VSIG10L2: variants seen among roughly 807,000 people sequenced by gnomAD.
The protein encoded by VSIG10L2 is V-set and immunoglobulin domain containing 10 like 2.
Under a neutral mutation model 67.1 loss-of-function variants are expected in VSIG10L2, and 56 were observed. The ratio of observed to expected loss-of-function variants is 0.83; its 90% CI spans 0.67 to 1.04. The LOEUF (loss-of-function observed/expected upper bound fraction) is 1.04. Among genes scored for constraint, VSIG10L2 ranks in the 50% least tolerant of loss-of-function variants. The pLI, the probability that VSIG10L2 is intolerant of heterozygous loss-of-function variation, is 0.00. For missense variants in VSIG10L2, 843 were observed against 932.8 expected (o/e 0.90, Z 1.25); for synonymous variants, 360 against 396.6 (o/e 0.91, Z 1.10).
chr11:125,955,826 C>G lies in VSIG10L2; in HGVS notation c.2294C>G (p.Thr765Arg). The change falls in exon 12 of 12, where the codon ACA (threonine) becomes AGA (arginine). Residue 765 changes from threonine to arginine, a missense_variant. Transcript: ENST00000686984. ...EDAEAPAGLETPTTTPGLDPA... is the reference protein window; with the variant it reads ...EDAEAPAGLERPTTTPGLDPA... ...CATATGCTCTTCATAGGCCTTGAAA[C>G]ACCAACCACCACCCCAGGTTTGGAT... 1 of 722,034 alleles carries G rather than the reference C, an allele frequency of 1.4e-6. No homozygotes were observed. The highest frequency in any genetic ancestry group is 2.5e-6 in the Non-Finnish European group (1 of 405,482). 44.7% of individuals were successfully genotyped at this position (722,034 alleles called of 1,614,324 possible). A position where few individuals can be genotyped will look rare whatever the true frequency, so the allele number is the denominator to read the frequency against.
At position 125,950,056 on chromosome 11, in the gene VSIG10L2, T is replaced by A. The variant is rs1022065253; in HGVS notation, c.752T>A (p.Leu251His). The change falls in exon 4 of 12, where the codon CTC (leucine) becomes CAC (histidine). Residue 251 changes from leucine (L) to histidine (H), a missense_variant. By Grantham distance (99) the Leu-to-His change is moderately conservative (BLOSUM62 -3). Coordinates refer to ENST00000686984, the MANE Select transcript of VSIG10L2 (RefSeq NM_001365077.2). ...KPVITMEPLG[L>H]TEEGFWASER... ...GTGATCACCATGGAGCCGCTGGGACTCACTGAGGAGGGCTTCTGGGCCAGT... is the reference window on the plus strand; with the variant it reads ...GTGATCACCATGGAGCCGCTGGGACACACTGAGGAGGGCTTCTGGGCCAGT... The A allele has an allele frequency of 1.6e-6, 2 of 1,232,316 alleles. No homozygotes were observed. The highest frequency in any genetic ancestry group is 3.1e-5 in the African/African-American group (2 of 64,436). The allele number at this position is 1,232,316 out of a possible 1,614,324, so 76.3% of individuals were successfully genotyped here. A position where few individuals can be genotyped will look rare whatever the true frequency, so the allele number is the denominator to read the frequency against.
rs1031501508 is a variant in VSIG10L2, at chr11:125,949,935, G to A, written c.710-79G>A. 5.8e-6 allele frequency: 7 copies of A among 1,208,024 alleles called. No individual in the cohort carries two copies. The South Asian group carries it at 2.6e-4, about 45-fold the overall frequency. The allele number at this position is 1,208,024 out of a possible 1,614,324, so 74.8% of individuals were successfully genotyped here. On this transcript the variant is annotated intron_variant, in intron 3 of 11. Coordinates refer to ENST00000686984, the MANE Select transcript of VSIG10L2 (RefSeq NM_001365077.2). ...CATACTACATGCCCCTAGGATGGAT[G>A]CATACATTCAGAGATGAGCATGTGC...
chr11:125,953,563 C>T lies in VSIG10L2; in HGVS notation c.1659C>T (p.His553=). The change falls in exon 7 of 12, where the codon CAC becomes CAT. Residue 553 remains histidine, a synonymous_variant. Transcript: ENST00000686984. ...CCGGCACTTCAGGATTCATGCTGCA[C>T]CCTGAGGGTGCCCAGCTGCGCCTGG... ...VDPGTSGFML[H]PEGAQLRLGI... 1 of 1,232,222 alleles carries T rather than the reference C, an allele frequency of 8.1e-7. No homozygotes were observed. Among genetic ancestry groups the T allele is most frequent in the Non-Finnish European group, 1.0e-6 (1 of 988,006 alleles). The allele number at this position is 1,232,222 out of a possible 1,614,324, so 76.3% of individuals were successfully genotyped here.
rs1234080109 is a variant in VSIG10L2, at chr11:125,948,346, CCT to C, written c.476_477del (p.Pro159ArgfsTer40). On this transcript the variant is annotated frameshift_variant, in exon 3 of 12. Coordinates refer to ENST00000686984, the MANE Select transcript of VSIG10L2 (RefSeq NM_001365077.2). LOFTEE classifies it high-confidence loss of function. ...TCAAGTGCGACTGAGTAACCCGTCCCCTGTGGAGGGAGCCTCCGTGGTGGCCA... is the reference window on the plus strand; with the variant it reads ...TCAAGTGCGACTGAGTAACCCGTCCCGTGGAGGGAGCCTCCGTGGTGGCCA... ...KPQVRLSNPS[P>X]VEGASVVATC... The C allele has an allele frequency of 2.4e-6, 3 of 1,232,372 alleles. No individual in the cohort carries two copies. Among genetic ancestry groups the C allele is most frequent in the African/African-American group, 3.1e-5 (2 of 64,426 alleles). 76.3% of individuals were successfully genotyped at this position (1,232,372 alleles called of 1,614,324 possible).
At chr11:125,955,778 A>AG in intron 11 of VSIG10L2, 39 bp from the exon 12 acceptor site, 1 of 943,262 alleles carries the variant, frequency 1.1e-6, no homozygotes, top group Non-Finnish European at 1.6e-6. Flanking sequence ...ACACTCCCAA[A>AG]GCATCCCTCT....
At chr11:125,950,491 AGGGGAAGGGAG>A (rs1312079504) in intron 4 of VSIG10L2, among the ~76,000 whole-genome samples, 1 of 151,834 alleles carries the variant, frequency 6.6e-6, no homozygotes, top group East Asian at 1.9e-4. Flanking sequence ...GGGAAGGGGA[AGGGGAAGGGAG>A]GGGGAAGCTA....
At position 125,950,983 on chromosome 11, in the gene VSIG10L2, T is replaced by A. The variant is rs1945360081; in HGVS notation, c.1059T>A (p.Pro353=). 5.7e-6 allele frequency: 7 copies of A among 1,232,420 alleles called. No homozygotes were observed. Among genetic ancestry groups the A allele is most frequent in the Non-Finnish European group, 7.1e-6 (7 of 988,210 alleles). 76.3% of individuals were successfully genotyped at this position (1,232,420 alleles called of 1,614,324 possible). Residue 353 remains proline, a synonymous_variant, in exon 5 of 12, where the codon CCT becomes CCA. Coordinates refer to ENST00000686984, the MANE Select transcript of VSIG10L2 (RefSeq NM_001365077.2). ...CTGTGACCCTGCTCTGTGCCTGGCC[T>A]GGGGGGCTTCCGCCTGCCCAACTGC... The part of the protein sequence containing the change: ...PEAVTLLCAW[P]GGLPPAQLQW...
chr11:125,950,395 G>A lies in VSIG10L2; in HGVS notation c.985+106G>A, dbSNP rs1945352157. On this transcript the variant is annotated intron_variant, in intron 4 of 11. Coordinates refer to ENST00000686984, the MANE Select transcript of VSIG10L2 (RefSeq NM_001365077.2). ...AGACCCCGCCGTCCCGTGGAGAGGC[G>A]TGTGCCAAAGCTGCTCTTGTTGGAG... 1.7e-5 allele frequency: 20 copies of A among 1,145,444 alleles called. No individual in the cohort carries two copies. In the South Asian group the frequency reaches 5.5e-4, roughly 31 times the overall value. The allele number at this position is 1,145,444 out of a possible 1,614,324, so 71.0% of individuals were successfully genotyped here.
At chr11:125,952,174 A>C (rs1945387147) in intron 6 of VSIG10L2, 101 bp downstream of exon 6, 1 of 1,412,876 alleles carries the variant, frequency 7.1e-7, no homozygotes, top group Non-Finnish European at 9.3e-7. Flanking sequence ...GCTGGCATGG[A>C]AAGTGAGTCA....
chr11:125,951,288 C>CA, intron 5 of VSIG10L2, 130 bp downstream of exon 5: 2 of 873,750 alleles, frequency 2.3e-6, no homozygotes, highest in Non-Finnish European at 3.0e-6. Context: ...CGCCATGTAA[C>CA]AAGGAGGTGG....
chr11:125,950,814 T>C (rs995726417), intron 4 of VSIG10L2, 96 bp from the exon 5 acceptor site: 24 of 1,165,030 alleles, frequency 2.1e-5, no homozygotes, highest in Non-Finnish European at 3.2e-6. Context: ...CCCTACCCAC[T>C]GACACCCCTG....
At chr11:125,954,484 C>A (rs900952542) in intron 8 of VSIG10L2, 101 bp downstream of exon 8, 2 of 1,026,326 alleles carry the variant, frequency 1.9e-6, no homozygotes, top group East Asian at 3.2e-5. Flanking sequence ...TTCCTTTGCT[C>A]GCATCCTACT....
chr11:125,953,774 C>T, intron 7 of VSIG10L2, 84 bp downstream of exon 7: 1 of 1,199,250 alleles, frequency 8.3e-7, no homozygotes, highest in Non-Finnish European at 1.0e-6. Flanking sequence ...TGGAAAGGCA[C>T]AAGGATTCCC....
At chr11:125,953,831 T>C (rs1400962835) in intron 7 of VSIG10L2, 141 bp downstream of exon 7, 1 of 828,732 alleles carries the variant, frequency 1.2e-6, no homozygotes, top group African/African-American at 1.8e-5. Flanking sequence ...TAGGCAGGAC[T>C]CAAGAGATAG....
Position 125,948,554 on chromosome 11 carries a change from G to C in VSIG10L2, c.683G>C (p.Ser228Thr). The change falls in exon 3 of 12, where the codon AGT becomes ACT. Residue 228 changes from serine (S) to threonine (T), a missense_variant. Physicochemically the swap from Ser to Thr is moderately conservative, Grantham distance 58 (BLOSUM62 1). Coordinates refer to ENST00000686984, the MANE Select transcript of VSIG10L2 (RefSeq NM_001365077.2). ...SASNSVNRLS[S>T]DGAFLDVIYG... ...AGCAACTCCGTGAACAGGCTGAGCA[G>C]TGACGGGGCCTTCCTGGACGTCATT... 8.1e-7 allele frequency: 1 copy of C among 1,232,292 alleles called. No homozygotes were observed. The highest frequency in any genetic ancestry group is 1.0e-6 in the Non-Finnish European group (1 of 988,070). The allele number at this position is 1,232,292 out of a possible 1,614,324, so 76.3% of individuals were successfully genotyped here.
chr11:125,953,957 GGTCCACAGACCCCAATCCAGTGCCTT>G, intron 7 of VSIG10L2, 104 bp from the exon 8 acceptor site: 1 of 823,600 alleles, frequency 1.2e-6, no homozygotes, highest in Non-Finnish European at 1.6e-6. Context: ...GGGCTTCTCA[GGTCCACAGACCCCAATCCAGTGCCTT>G]GTCCACACTG....
rs1299497540 is a variant in VSIG10L2, at chr11:125,955,507, G to A, written c.2231+1G>A. 1.4e-5 allele frequency: 14 copies of A among 970,084 alleles called. No individual in the cohort carries two copies. The highest frequency in any genetic ancestry group is 8.6e-5 in the Admixed American group (4 of 46,488). 60.1% of individuals were successfully genotyped at this position (970,084 alleles called of 1,614,324 possible). ...GCCTTGGTCAATTGCTTGTTCCCAC[G>A]TGAGTGTGGAACCCCAGTCATCCTG... On this transcript the variant is annotated splice_donor_variant, in intron 10 of 11. Coordinates refer to ENST00000686984, the MANE Select transcript of VSIG10L2 (RefSeq NM_001365077.2). LOFTEE classifies it high-confidence loss of function.
At position 125,949,560 on chromosome 11, in the gene VSIG10L2, C is replaced by T. The variant is rs372878901; in HGVS notation, c.710-454C>T. Among the ~76,000 whole-genome samples, 6 of 152,214 alleles carry T rather than the reference C, an allele frequency of 3.9e-5. No individual in the cohort carries two copies. The East Asian group carries it at 7.7e-4, about 20-fold the overall frequency. On this transcript the variant is annotated intron_variant, in intron 3 of 11. Coordinates refer to ENST00000686984, the MANE Select transcript of VSIG10L2 (RefSeq NM_001365077.2). Reference sequence around the variant, plus strand: ...CAGGGAGAGCTTCGAAGATGGTGACCCTGAGCTTGGAACGCAGGAGAGAGG... The same window carrying T: ...CAGGGAGAGCTTCGAAGATGGTGACTCTGAGCTTGGAACGCAGGAGAGAGG...
chr11:125,948,308 C>G lies in VSIG10L2; in HGVS notation c.437C>G (p.Pro146Arg), dbSNP rs949335899. 15 of 1,232,486 alleles carry G rather than the reference C, an allele frequency of 1.2e-5. No homozygotes were observed. The highest frequency in any genetic ancestry group is 1.6e-5 in the African/African-American group (1 of 64,414). 76.3% of individuals were successfully genotyped at this position (1,232,486 alleles called of 1,614,324 possible). ...GGCCTCTCCCTCCTCTGGCCAGTGCCGGTGTCCAAGCCTCAAGTGCGACTG... is the reference window on the plus strand; with the variant it reads ...GGCCTCTCCCTCCTCTGGCCAGTGCGGGTGTCCAAGCCTCAAGTGCGACTG... Reference protein sequence around the residue: ...YSHLTLAVLVPVSKPQVRLSN... With the variant: ...YSHLTLAVLVRVSKPQVRLSN... Residue 146 changes from proline (P) to arginine (R), a missense_variant, in exon 3 of 12, where the codon CCG becomes CGG. Pro to Arg is a moderately radical substitution (Grantham distance 103, BLOSUM62 -2). Transcript: ENST00000686984.
Sources: allele counts gnomAD v4.1 joint callset (sites outside exome capture counted in the v4.1 genomes callset), GRCh38; gene constraint gnomAD v4.1.1; transcripts MANE v1.5; gene names NCBI Gene and HGNC (gene_info 2026-07-23, HGNC 2026-07-21).